Variants in C18orf32 observed in about 807,000 individuals in gnomAD.
C18orf32 encodes the protein UPF0729 protein C18orf32.
In C18orf32, 5 loss-of-function variants were observed where a neutral mutation model predicts 7.4. The observed-to-expected ratio is 0.68, with a 90% CI of 0.35 to 1.42. The LOEUF (loss-of-function observed/expected upper bound fraction) is 1.42. Ranked by LOEUF, C18orf32 falls within the 40% of genes most tolerant of loss-of-function variation. The pLI is 0.04. For missense variants in C18orf32, 88 were observed against 92.4 expected (o/e 0.95, Z 0.19); for synonymous variants, 30 against 29.3 (o/e 1.02, Z -0.08).
rs2083633285 is a variant in C18orf32, at chr18:49,477,993, C to G, written c.*4352G>C. ...TGGCTCCTTAGCATGAAAGTATGAC[C>G]TTGAAATCTTAGACTTGTCATTTAC... is the stretch of plus-strand genomic sequence containing the variant. On this transcript the variant is annotated 3_prime_UTR_variant, in exon 3 of 3. Coordinates refer to ENST00000318240, the MANE Select transcript of C18orf32 (RefSeq NM_001035005.4). The G allele has an allele frequency of 6.8e-6, 1 of 147,642 alleles. No homozygotes were observed. Among genetic ancestry groups the G allele is most frequent in the South Asian group, 2.1e-4 (1 of 4,782 alleles). 9.1% of individuals were successfully genotyped at this position (147,642 alleles called of 1,614,324 possible).
intron 1 of C18orf32, among the ~76,000 whole-genome samples, chr18:49,483,981 T>C (rs1169047204): frequency 1.3e-5 from 2 of 150,882 alleles, no homozygotes; most frequent in Admixed American, 6.6e-5. Context: ...ATCAAAAAAT[T>C]AGCTGGGCAT....
chr18:49,485,275 C>T (rs190264233), intron 1 of C18orf32, among the ~76,000 whole-genome samples: 397 of 152,210 alleles, frequency 2.6e-3, no homozygotes, highest in Admixed American at 3.7e-3. Context: ...TAAATTGAGG[C>T]TGGGCGCGGT....
At position 49,478,269 on chromosome 18, in the gene C18orf32, T is replaced by TTC. The variant is rs2083634848; in HGVS notation, c.*4075_*4076insGA. Reference sequence around the variant, plus strand: ...TGCCCAGGCTGGGATCCTGTTTTTCTTTTTCTTTTCTTTTGAGACAGTCTT... The same window carrying TTC: ...TGCCCAGGCTGGGATCCTGTTTTTCTTCTTTTCTTTTCTTTTGAGACAGTCTT... On this transcript the variant is annotated 3_prime_UTR_variant, in exon 3 of 3. Transcript: ENST00000318240. The TTC allele has an allele frequency of 6.7e-6, 1 of 149,894 alleles. No individual in the cohort carries two copies. The highest frequency in any genetic ancestry group is 6.6e-5 in the Admixed American group (1 of 15,178). The allele number at this position is 149,894 out of a possible 1,614,324, so 9.3% of individuals were successfully genotyped here. A position where few individuals can be genotyped will look rare whatever the true frequency, so the allele number is the denominator to read the frequency against.
In C18orf32 at chr18:49,479,993, A is replaced by ATTGTTT. The variant is rs1426393195; in HGVS notation, c.*2351_*2352insAAACAA. On this transcript the variant is annotated 3_prime_UTR_variant, in exon 3 of 3. Transcript: ENST00000318240. ...AGGCAGTGTAAGATAGCGGCATCTC[A>ATTGTTT]ACCATTATGGGAAACAATGTCTGAA... 12 of 152,474 alleles carry ATTGTTT rather than the reference A, an allele frequency of 7.9e-5. No individual in the cohort carries two copies. Among genetic ancestry groups the ATTGTTT allele is most frequent in the African/African-American group, 2.6e-4 (11 of 41,568 alleles). 9.4% of individuals were successfully genotyped at this position (152,474 alleles called of 1,614,324 possible).
intron 1 of C18orf32, chr18:49,486,575 G>C (rs1339723347): frequency 2.0e-5 from 3 of 151,760 alleles, no homozygotes. Context: ...AAGTCTAGAA[G>C]GTGGCTACGA....
intron 2 of C18orf32, 54 bp downstream of exon 2, chr18:49,483,529 AC>A (rs2083691068): frequency 6.7e-7 from 1 of 1,493,358 alleles, no homozygotes; most frequent in East Asian, 2.4e-5. Context: ...CTAGTGTTTC[AC>A]CCAAGTACCA....
chr18:49,482,833 T>C (rs1171885584), intron 2 of C18orf32, among the ~76,000 whole-genome samples: 1 of 150,334 alleles, frequency 6.7e-6, no homozygotes, highest in Non-Finnish European at 1.5e-5. Flanking sequence ...AGTTTCATTC[T>C]TGTCACCCAG....
chr18:49,483,661 G>C lies in C18orf32; in HGVS notation c.88C>G (p.Pro30Ala), dbSNP rs764810508. Residue 30 changes from proline to alanine, a missense_variant, in exon 2 of 3, where the codon CCC becomes GCC. Physicochemically the swap from Pro to Ala is conservative, Grantham distance 27. Transcript: ENST00000318240. ...LEPYIYPLVS[P>A]FVSRIWPKKA... The stretch of plus-strand genomic sequence containing the variant: ...TTAGGCCATATACGACTAACGAAGG[G>C]GGAAACCAGAGGGTATATATATGGC... 8 of 1,613,606 alleles carry C rather than the reference G, an allele frequency of 5.0e-6. No homozygotes were observed. The highest frequency in any genetic ancestry group is 6.8e-6 in the Non-Finnish European group (8 of 1,179,964).
chr18:49,482,141 G>A lies in C18orf32; in HGVS notation c.*204C>T, dbSNP rs577192771. 1,568 of 514,564 alleles carry A rather than the reference G, an allele frequency of 3.0e-3. 4 individuals are homozygous for A. The highest frequency in any genetic ancestry group is 4.6e-3 in the Middle Eastern group (9 of 1,964). The allele number at this position is 514,564 out of a possible 1,614,324, so 31.9% of individuals were successfully genotyped here. A position where few individuals can be genotyped will look rare whatever the true frequency, so the allele number is the denominator to read the frequency against. On this transcript the variant is annotated 3_prime_UTR_variant, in exon 3 of 3. Coordinates refer to ENST00000318240, the MANE Select transcript of C18orf32 (RefSeq NM_001035005.4). The stretch of plus-strand genomic sequence containing the variant: ...AAATGAAAGCTACATTAACGAAAAA[G>A]GAACTTAGGAATGAGGTCATTAAAT...
In C18orf32 at chr18:49,478,746, TCAAA is replaced by T. The variant is rs2148806131; in HGVS notation, c.*3595_*3598del. ...AGGGCAAAGAAACATTTGTGTGGTATCAAACAGTGGCTACCAACTCCAGCCCATG... is the reference window on the plus strand; with the variant it reads ...AGGGCAAAGAAACATTTGTGTGGTATCAGTGGCTACCAACTCCAGCCCATG... On this transcript the variant is annotated 3_prime_UTR_variant, in exon 3 of 3. Coordinates refer to ENST00000318240, the MANE Select transcript of C18orf32 (RefSeq NM_001035005.4). 6.6e-6 allele frequency: 1 copy of T among 150,626 alleles called. No homozygotes were observed. The highest frequency in any genetic ancestry group is 2.1e-4 in the South Asian group (1 of 4,826). 9.3% of individuals were successfully genotyped at this position (150,626 alleles called of 1,614,324 possible). A position where few individuals can be genotyped will look rare whatever the true frequency, so the allele number is the denominator to read the frequency against.
At position 49,480,374 on chromosome 18, in the gene C18orf32, T is replaced by C. The variant is rs1411439049; in HGVS notation, c.*1971A>G. On this transcript the variant is annotated 3_prime_UTR_variant, in exon 3 of 3. Transcript: ENST00000318240. Reference sequence around the variant, plus strand: ...TATAATTTATTTATAAATATGGAGATAAATTTAAAAAGCCCACAGCTCAGT... The same window carrying C: ...TATAATTTATTTATAAATATGGAGACAAATTTAAAAAGCCCACAGCTCAGT... The C allele has an allele frequency of 1.3e-5, 2 of 151,818 alleles. No homozygotes were observed. Among genetic ancestry groups the C allele is most frequent in the East Asian group, 3.9e-4 (2 of 5,146 alleles). The allele number at this position is 151,818 out of a possible 1,614,324, so 9.4% of individuals were successfully genotyped here. A position where few individuals can be genotyped will look rare whatever the true frequency, so the allele number is the denominator to read the frequency against.
At position 49,482,859 on chromosome 18, in the gene C18orf32, T is replaced by C. The variant is rs541157364; in HGVS notation, c.166-449A>G. ...TGTCACCCAGGCTGGAGTGCAATGA[T>C]GTGATCTCGGCTCACTGAAACCTCT... On this transcript the variant is annotated intron_variant, in intron 2 of 2. Coordinates refer to ENST00000318240, the MANE Select transcript of C18orf32 (RefSeq NM_001035005.4). 1.0e-4 allele frequency among the ~76,000 whole-genome samples: 15 copies of C among 149,516 alleles called. No homozygotes were observed. In the East Asian group the frequency reaches 1.8e-3, roughly 18 times the overall value.
At position 49,479,440 on chromosome 18, in the gene C18orf32, C is replaced by G. The variant is rs9961974; in HGVS notation, c.*2905G>C. ...GACACCACCTGTATATTAAAAGGGA[C>G]GCAATCACAGTGCATTAACCTGTGC... On this transcript the variant is annotated 3_prime_UTR_variant, in exon 3 of 3. Transcript: ENST00000318240. 52,148 of 151,968 alleles carry G rather than the reference C, an allele frequency of 0.34. 9,151 individuals are homozygous for G. The highest frequency in any genetic ancestry group is 0.46 in the Admixed American group (6,967 of 15,276). 9.4% of individuals were successfully genotyped at this position (151,968 alleles called of 1,614,324 possible). A position where few individuals can be genotyped will look rare whatever the true frequency, so the allele number is the denominator to read the frequency against.
At chr18:49,485,848 C>T (rs2148811122) in intron 1 of C18orf32, 1 of 152,196 alleles carries the variant, frequency 6.6e-6, no homozygotes, top group East Asian at 1.9e-4. Flanking sequence ...TCTTAAAGTC[C>T]TAAGCTCAAA....
chr18:49,485,606 T>C (rs1302548439), intron 1 of C18orf32, among the ~76,000 whole-genome samples: 1 of 150,602 alleles, frequency 6.6e-6, no homozygotes, highest in Non-Finnish European at 1.5e-5. Context: ...GCTGGGGCAA[T>C]AGTGATTTTT....
intron 1 of C18orf32, among the ~76,000 whole-genome samples, chr18:49,484,041 A>C (rs2083700997): frequency 6.6e-6 from 1 of 151,446 alleles, no homozygotes; most frequent in African/African-American, 2.4e-5. Context: ...GGACAAGAGG[A>C]TCACTAGAGC....
At chr18:49,482,868 G>C (rs1271680538) in intron 2 of C18orf32, among the ~76,000 whole-genome samples, 1 of 142,910 alleles carries the variant, frequency 7.0e-6, no homozygotes, top group Non-Finnish European at 1.5e-5. Flanking sequence ...ATGTGATCTC[G>C]GCTCACTGAA....
intron 2 of C18orf32, among the ~76,000 whole-genome samples, chr18:49,483,242 A>G (rs370924073): frequency 6.6e-6 from 1 of 152,000 alleles, no homozygotes; most frequent in Admixed American, 6.6e-5. Context: ...AGAGTTGTCC[A>G]CTCATTTTTA....
chr18:49,484,169 C>CAT (rs1347496708), intron 1 of C18orf32, among the ~76,000 whole-genome samples: 1 of 114,134 alleles, frequency 8.8e-6, no homozygotes, highest in Non-Finnish European at 1.8e-5. Flanking sequence ...TATATATATA[C>CAT]ACACACACAC....
Sources: gnomAD v4.1 joint callset for allele counts (sites outside exome capture counted in the v4.1 genomes callset) on GRCh38, gnomAD v4.1.1 for gene constraint, MANE v1.5 for transcripts, NCBI Gene and HGNC (gene_info 2026-07-23, HGNC 2026-07-21) for gene names.